The following NALF1 variants were observed in gnomAD, a reference collection of about 807,000 sequenced individuals.
The protein encoded by NALF1 is family with sequence similarity 155 member A.
NALF1 carries 3 observed loss-of-function variants against 48.4 expected under a neutral mutation model. That is an observed-to-expected ratio of 0.06 (90% CI 0.03 to 0.16). The LOEUF is 0.16. Among genes scored for constraint, NALF1 ranks in the 10% least tolerant of loss-of-function variants. The pLI is 1.00. For synonymous variants in NALF1, 262 were observed against 245.7 expected (o/e 1.07, Z -0.62); for missense variants, 526 against 571.5 (o/e 0.92, Z 0.81).
intron 1 of NALF1, among the ~76,000 whole-genome samples, chr13:107,439,843 T>C (rs900591350): frequency 6.6e-6 from 1 of 152,164 alleles, no homozygotes; most frequent in Admixed American, 6.5e-5. Context: ...TGGAATATTG[T>C]GAGTTGTTTC....
intron 2 of NALF1, among the ~76,000 whole-genome samples, chr13:107,206,143 C>T (rs1200155999): frequency 6.6e-6 from 1 of 152,156 alleles, no homozygotes; most frequent in Non-Finnish European, 1.5e-5. Context: ...CTGACAGCAC[C>T]TCAGAATTTC....
At chr13:107,631,734 T>G (rs910053002) in intron 1 of NALF1, among the ~76,000 whole-genome samples, 2 of 152,102 alleles carry the variant, frequency 1.3e-5, no homozygotes, top group African/African-American at 4.8e-5. Flanking sequence ...ATGATAAGCC[T>G]CTACATATGC....
At chr13:107,416,035 C>T (rs1310619566) in intron 1 of NALF1, among the ~76,000 whole-genome samples, 3 of 149,680 alleles carry the variant, frequency 2.0e-5, no homozygotes, top group Non-Finnish European at 4.4e-5. Context: ...GAGATGGTGT[C>T]TCGCTCTGTC....
intron 2 of NALF1, among the ~76,000 whole-genome samples, chr13:107,193,197 T>C (rs1879318509): frequency 1.3e-5 from 2 of 152,168 alleles, no homozygotes; most frequent in African/African-American, 4.8e-5. Flanking sequence ...TTTTAAATGA[T>C]TAAGCATAGA....
At chr13:107,580,949 A>G (rs753420543) in intron 1 of NALF1, among the ~76,000 whole-genome samples, 1 of 152,188 alleles carries the variant, frequency 6.6e-6, no homozygotes, top group Non-Finnish European at 1.5e-5. Flanking sequence ...TGTCGGTGCC[A>G]GTCTGAACAG....
At chr13:107,704,208 T>C (rs1322781348) in intron 1 of NALF1, among the ~76,000 whole-genome samples, 1 of 152,188 alleles carries the variant, frequency 6.6e-6, no homozygotes, top group Admixed American at 6.5e-5. Context: ...CCCACTACCC[T>C]CTATTCATTG....
chr13:107,397,379 C>A (rs1387622325), intron 1 of NALF1, among the ~76,000 whole-genome samples: 1 of 152,118 alleles, frequency 6.6e-6, no homozygotes, highest in Non-Finnish European at 1.5e-5. Flanking sequence ...ACTGCATGCA[C>A]AAAATGCCAA....
At chr13:107,183,221 T>G (rs1879103963) in intron 2 of NALF1, among the ~76,000 whole-genome samples, 1 of 152,196 alleles carries the variant, frequency 6.6e-6, no homozygotes, top group Non-Finnish European at 1.5e-5. Flanking sequence ...CCAGTTGGCT[T>G]GCTTCTCTTG....
intron 1 of NALF1, among the ~76,000 whole-genome samples, chr13:107,345,896 C>G (rs1166754634): frequency 6.6e-6 from 1 of 152,036 alleles, no homozygotes; most frequent in East Asian, 1.9e-4. Context: ...TCTTGCAACT[C>G]AACAACACAA....
At chr13:107,619,025 T>C (rs948165921) in intron 1 of NALF1, among the ~76,000 whole-genome samples, 11 of 152,218 alleles carry the variant, frequency 7.2e-5, no homozygotes, top group Admixed American at 3.9e-4. Context: ...GATGGAAATA[T>C]TCCCATTTGT....
intron 1 of NALF1, among the ~76,000 whole-genome samples, chr13:107,414,553 C>A (rs1306999050): frequency 6.6e-6 from 1 of 150,734 alleles, no homozygotes. Context: ...ATATAGTCAG[C>A]CTCATCATTG....
chr13:107,458,935 T>A (rs1307433760), intron 1 of NALF1, among the ~76,000 whole-genome samples: 1 of 152,016 alleles, frequency 6.6e-6, no homozygotes, highest in East Asian at 1.9e-4. Context: ...TCATGCCTCA[T>A]CCCCCTTAGT....
chr13:107,534,475 T>A (rs548116716), intron 1 of NALF1, among the ~76,000 whole-genome samples: 2 of 152,312 alleles, frequency 1.3e-5, no homozygotes, highest in Admixed American at 6.5e-5. Flanking sequence ...TTTTCTTCCA[T>A]CTTTTATTAA....
chr13:107,782,768 G>A (rs1373440920), intron 1 of NALF1, among the ~76,000 whole-genome samples: 3 of 149,554 alleles, frequency 2.0e-5, no homozygotes, highest in African/African-American at 4.9e-5. Flanking sequence ...GGTGAGGAGC[G>A]TCTCTGCCCA....
At chr13:107,259,978 A>G (rs1331460629) in intron 1 of NALF1, among the ~76,000 whole-genome samples, 1 of 152,216 alleles carries the variant, frequency 6.6e-6, no homozygotes, top group Non-Finnish European at 1.5e-5. Flanking sequence ...TAGCAACTCA[A>G]TAAAGATTTT....
chr13:107,724,039 G>A (rs754547183), intron 1 of NALF1, among the ~76,000 whole-genome samples: 7 of 152,064 alleles, frequency 4.6e-5, no homozygotes, highest in East Asian at 1.9e-4. Context: ...CTTTTCACAG[G>A]AGAAAGATGA....
At chr13:107,585,099 A>G (rs1225338269) in intron 1 of NALF1, among the ~76,000 whole-genome samples, 1 of 152,148 alleles carries the variant, frequency 6.6e-6, no homozygotes, top group Non-Finnish European at 1.5e-5. Flanking sequence ...TAAGATATCA[A>G]TCTCCTTTGA....
chr13:107,577,378 C>G (rs1878184616), intron 1 of NALF1, among the ~76,000 whole-genome samples: 1 of 152,088 alleles, frequency 6.6e-6, no homozygotes, highest in Non-Finnish European at 1.5e-5. Context: ...GTGGCCACAC[C>G]TAGGAGCAAC....
At chr13:107,662,469 G>T (rs1362351721) in intron 1 of NALF1, among the ~76,000 whole-genome samples, 1 of 152,132 alleles carries the variant, frequency 6.6e-6, no homozygotes, top group Non-Finnish European at 1.5e-5. Context: ...TCTGTTAATA[G>T]GGAAAATTAA....
Sources: gnomAD v4.1 joint callset for allele counts (sites outside exome capture counted in the v4.1 genomes callset) on GRCh38, gnomAD v4.1.1 for gene constraint, MANE v1.5 for transcripts, NCBI Gene and HGNC (gene_info 2026-07-23, HGNC 2026-07-21) for gene names.